NSUN3: variants seen among roughly 807,000 people sequenced by gnomAD.
NSUN3 encodes the protein NOP2/Sun RNA methyltransferase 3.
A neutral mutation model predicts 36.8 loss-of-function variants in NSUN3; 24 were observed. That is an observed-to-expected ratio of 0.65 (90% CI 0.47 to 0.92). The LOEUF is 0.92. Among genes scored for constraint, NSUN3 ranks in the 40% least tolerant of loss-of-function variants. The pLI, the probability that NSUN3 is intolerant of heterozygous loss-of-function variation, is 0.00. For missense variants in NSUN3, 381 were observed against 392.8 expected (o/e 0.97, Z 0.25); for synonymous variants, 146 against 145.2 (o/e 1.01, Z -0.04).
rs563224021 is a variant in NSUN3 at position 94,063,112 on chromosome 3, G to C, written c.-15G>C. The C allele has an allele frequency of 1.2e-6, 2 of 1,614,048 alleles. No individual in the cohort carries two copies. Among genetic ancestry groups the C allele is most frequent in the Non-Finnish European group, 8.5e-7 (1 of 1,179,996 alleles). ...ATTCGCGTACACCTGTTGTTTGAAA[G>C]CTCTCAGCGGGACAATGCTGACCCA... On this transcript the variant is annotated 5_prime_UTR_variant, in exon 1 of 6. Coordinates refer to ENST00000314622, the MANE Select transcript of NSUN3 (RefSeq NM_022072.5).
At chr3:94,122,463 A>G (rs1560042651) in intron 5 of NSUN3, among the ~76,000 whole-genome samples, 1 of 152,118 alleles carries the variant, frequency 6.6e-6, no homozygotes. Context: ...GACATTAACT[A>G]CTGCCCTATC....
chr3:94,125,436 G>T (rs1449317142), intron 5 of NSUN3, among the ~76,000 whole-genome samples: 1 of 152,006 alleles, frequency 6.6e-6, no homozygotes, highest in Admixed American at 6.6e-5. Context: ...TTTGATTTGG[G>T]GTCTAAAACC....
At chr3:94,088,213 A>T (rs2077300549) in intron 3 of NSUN3, among the ~76,000 whole-genome samples, 1 of 152,228 alleles carries the variant, frequency 6.6e-6, no homozygotes, top group East Asian at 1.9e-4. Flanking sequence ...TGGGAATGAA[A>T]ATAATAACCA....
At chr3:94,095,501 G>T (rs2077334070) in intron 5 of NSUN3, among the ~76,000 whole-genome samples, 1 of 152,156 alleles carries the variant, frequency 6.6e-6, no homozygotes, top group African/African-American at 2.4e-5. Flanking sequence ...CTTAGGAATA[G>T]CTTTGAATCA....
At chr3:94,105,695 G>A (rs546972396) in intron 5 of NSUN3, among the ~76,000 whole-genome samples, 11 of 151,600 alleles carry the variant, frequency 7.3e-5, no homozygotes, top group South Asian at 4.2e-4. Flanking sequence ...TCTTTTTTCC[G>A]GTTAAGCATG....
At position 94,131,561 on chromosome 3, in the gene NSUN3, A is replaced by AT. The variant is rs1390052640; in HGVS notation, c.*5075dup. 2.0e-5 allele frequency among the ~76,000 whole-genome samples: 3 copies of AT among 152,198 alleles called. No homozygotes were observed. Among genetic ancestry groups the AT allele is most frequent in the Non-Finnish European group, 4.4e-5 (3 of 68,036 alleles). On this transcript the variant is annotated 3_prime_UTR_variant, in exon 6 of 6. Transcript: ENST00000314622. ...ATATTGTAAAGAAGTGTGTCTTGTG[A>AT]TTTTGATACCCAGAAATCTCCAGTG...
chr3:94,113,158 C>G (rs1276672558), intron 5 of NSUN3, among the ~76,000 whole-genome samples: 1 of 152,266 alleles, frequency 6.6e-6, no homozygotes, highest in East Asian at 1.9e-4. Context: ...GCCACCGCAC[C>G]CGGCCCAAGA....
At chr3:94,076,599 G>A (rs2077247515) in intron 2 of NSUN3, 1 of 885,144 alleles carries the variant, frequency 1.1e-6, no homozygotes, top group Non-Finnish European at 1.9e-6. Flanking sequence ...GAAGCACTAA[G>A]TAAGTGCCCA....
chr3:94,073,410 C>T (rs2077233514), intron 2 of NSUN3, among the ~76,000 whole-genome samples: 1 of 152,178 alleles, frequency 6.6e-6, no homozygotes, highest in Admixed American at 6.5e-5. Flanking sequence ...CTAATTTACA[C>T]TCCCACCAAC....
At position 94,129,732 on chromosome 3, in the gene NSUN3, T is replaced by C. The variant is rs1015147408; in HGVS notation, c.*3242T>C. The stretch of plus-strand genomic sequence containing the variant: ...CATTGAATATTCTATAAATTGTTTA[T>C]ATATGTTGTCTTTTTTTTTTTTTTT... On this transcript the variant is annotated 3_prime_UTR_variant, in exon 6 of 6. Coordinates refer to ENST00000314622, the MANE Select transcript of NSUN3 (RefSeq NM_022072.5). 2.0e-5 allele frequency among the ~76,000 whole-genome samples: 3 copies of C among 150,962 alleles called. No homozygotes were observed. The highest frequency in any genetic ancestry group is 4.9e-5 in the African/African-American group (2 of 41,158).
intron 5 of NSUN3, among the ~76,000 whole-genome samples, chr3:94,118,492 G>C (rs1212153701): frequency 6.6e-6 from 1 of 152,054 alleles, no homozygotes; most frequent in East Asian, 1.9e-4. Flanking sequence ...TCTTAATACA[G>C]CTTGGTTAGT....
intron 2 of NSUN3, among the ~76,000 whole-genome samples, chr3:94,074,834 A>T (rs1050571666): frequency 2.6e-5 from 4 of 152,132 alleles, no homozygotes; most frequent in Non-Finnish European, 5.9e-5. Context: ...AGAAATTCCA[A>T]TACTGTGTTG....
chr3:94,098,870 C>T (rs1277728264), intron 5 of NSUN3, among the ~76,000 whole-genome samples: 2 of 152,104 alleles, frequency 1.3e-5, no homozygotes, highest in Non-Finnish European at 2.9e-5. Flanking sequence ...ATGTCCTTAC[C>T]TTCACTTAAA....
At chr3:94,093,260 C>T (rs1319834457) in intron 3 of NSUN3, among the ~76,000 whole-genome samples, 3 of 151,260 alleles carry the variant, frequency 2.0e-5, no homozygotes, top group Non-Finnish European at 2.9e-5. Context: ...AAATATGTAA[C>T]TGGGCATGTC....
intron 5 of NSUN3, among the ~76,000 whole-genome samples, chr3:94,117,352 G>A (rs80071104): frequency 0.014 from 2,109 of 152,126 alleles, 48 homozygotes; most frequent in African/African-American, 0.048. Flanking sequence ...TGGATTTCAC[G>A]ACAGAGTATG....
intron 1 of NSUN3, chr3:94,063,407 C>T (rs1000535919): frequency 2.0e-6 from 1 of 498,058 alleles, no homozygotes; most frequent in Non-Finnish European, 3.6e-6. Context: ...ACAGCGGTAT[C>T]CCGGGAGCTT....
rs2077506474 is a variant in NSUN3, at chr3:94,130,875, C to G, written c.*4385C>G. 6.6e-6 allele frequency among the ~76,000 whole-genome samples: 1 copy of G among 152,138 alleles called. No homozygotes were observed. The highest frequency in any genetic ancestry group is 2.4e-5 in the African/African-American group (1 of 41,432). On this transcript the variant is annotated 3_prime_UTR_variant, in exon 6 of 6. Coordinates refer to ENST00000314622, the MANE Select transcript of NSUN3 (RefSeq NM_022072.5). ...AGGTGCCAGGCCAGTCCTGCAAAGC[C>G]AGCAAAGTTTCATTTTCATTCAACC...
rs189591733 is a variant in NSUN3, at chr3:94,076,055, A to G, written c.123-8052A>G. On this transcript the variant is annotated intron_variant, in intron 2 of 5. Transcript: ENST00000314622. ...ATTGGGATTCCAGGAGAAATCAGATATCTTGGCAGTGTGACCACCATGAAT... is the reference window on the plus strand; with the variant it reads ...ATTGGGATTCCAGGAGAAATCAGATGTCTTGGCAGTGTGACCACCATGAAT... The G allele has an allele frequency of 2.3e-5, 37 of 1,602,546 alleles. No individual in the cohort carries two copies. The Admixed American group carries it at 4.3e-4, about 19-fold the overall frequency.
chr3:94,076,886 G>A (rs1384541611), intron 2 of NSUN3: 3 of 1,471,632 alleles, frequency 2.0e-6, no homozygotes, highest in Non-Finnish European at 2.9e-6. Context: ...GTCGTAGTGT[G>A]ATGCATCAAA....
Sources: allele counts gnomAD v4.1 joint callset (sites outside exome capture counted in the v4.1 genomes callset), GRCh38; gene constraint gnomAD v4.1.1; transcripts MANE v1.5; gene names NCBI Gene and HGNC (gene_info 2026-07-23, HGNC 2026-07-21).